The following SNRK variants were observed in gnomAD, a reference collection of about 807,000 sequenced individuals.
SNRK encodes SNF related kinase.
SNRK carries 3 observed loss-of-function variants against 48.2 expected under a neutral mutation model. That is an observed-to-expected ratio of 0.06 (90% confidence interval 0.03 to 0.16). SNRK has a LOEUF of 0.16. SNRK is among the 10% of genes least tolerant of loss of function. SNRK has a pLI of 1.00. For synonymous variants in SNRK, 376 were observed against 366.1 expected (o/e 1.03, Z -0.31); for missense variants, 627 against 976.0 (o/e 0.64, Z 4.76).
At chr3:43,298,955 C>T (rs1211442004) in intron 1 of SNRK, among the ~76,000 whole-genome samples, 1 of 152,094 alleles carries the variant, frequency 6.6e-6, no homozygotes, top group Non-Finnish European at 1.5e-5. Flanking sequence ...GCTTGCCGTC[C>T]TTGGCTGCTA....
intron 3 of SNRK, among the ~76,000 whole-genome samples, chr3:43,312,808 T>C (rs918217970): frequency 7.2e-5 from 11 of 152,182 alleles, no homozygotes; most frequent in African/African-American, 2.2e-4. Context: ...ATAATGAACA[T>C]GTAGAGACTG....
chr3:43,342,480 C>T (rs1278663342), intron 5 of SNRK, among the ~76,000 whole-genome samples: 2 of 152,242 alleles, frequency 1.3e-5, no homozygotes, highest in African/African-American at 4.8e-5. Flanking sequence ...ATGCCTCAGC[C>T]TGCCCTGCCC....
At chr3:43,325,621 A>C (rs749876250) in intron 3 of SNRK, among the ~76,000 whole-genome samples, 9 of 152,196 alleles carry the variant, frequency 5.9e-5, no homozygotes, top group Non-Finnish European at 1.2e-4. Context: ...GACAAATAGA[A>C]TTGGACATTT....
chr3:43,321,890 C>G (rs1386432270), intron 3 of SNRK, among the ~76,000 whole-genome samples: 1 of 152,208 alleles, frequency 6.6e-6, no homozygotes, highest in African/African-American at 2.4e-5. Flanking sequence ...ACTTAATGAG[C>G]AGGTGAATTT....
At chr3:43,342,880 A>G (rs938866152) in intron 5 of SNRK, among the ~76,000 whole-genome samples, 3 of 152,210 alleles carry the variant, frequency 2.0e-5, no homozygotes, top group African/African-American at 7.2e-5. Context: ...ATGCAGAGGG[A>G]GTATGAAAAT....
At chr3:43,329,607 A>G (rs956318602) in intron 3 of SNRK, among the ~76,000 whole-genome samples, 2 of 152,238 alleles carry the variant, frequency 1.3e-5, no homozygotes, top group African/African-American at 4.8e-5. Flanking sequence ...ACTACTTGAC[A>G]TAGAATTGTA....
At chr3:43,346,369 C>G (rs1015455893) in intron 6 of SNRK, among the ~76,000 whole-genome samples, 1 of 152,136 alleles carries the variant, frequency 6.6e-6, no homozygotes, top group Non-Finnish European at 1.5e-5. Flanking sequence ...AACTATATGA[C>G]TATACCCCCC....
chr3:43,300,204 T>C (rs1310278225), intron 2 of SNRK, among the ~76,000 whole-genome samples: 2 of 152,164 alleles, frequency 1.3e-5, no homozygotes, highest in Non-Finnish European at 2.9e-5. Flanking sequence ...ATTATTTCTA[T>C]TTAATCTATA....
At chr3:43,328,305 G>T (rs547159335) in intron 3 of SNRK, among the ~76,000 whole-genome samples, 8 of 144,330 alleles carry the variant, frequency 5.5e-5, no homozygotes, top group Non-Finnish European at 1.1e-4. Flanking sequence ...TGTTAACACG[G>T]TTTTTTTTTT....
chr3:43,343,616 A>G (rs933377980), intron 6 of SNRK, 138 bp downstream of exon 6: 1 of 917,782 alleles, frequency 1.1e-6, no homozygotes, highest in East Asian at 2.7e-5. Context: ...GAGAGGCCAC[A>G]CACGGGCTCT....
chr3:43,312,030 G>A (rs2090982427), intron 3 of SNRK, among the ~76,000 whole-genome samples: 1 of 152,106 alleles, frequency 6.6e-6, no homozygotes, highest in Admixed American at 6.6e-5. Context: ...AAGTTAAAAT[G>A]AGTTAAATTT....
intron 1 of SNRK, among the ~76,000 whole-genome samples, chr3:43,291,531 T>G (rs1260578242): frequency 1.3e-5 from 2 of 152,220 alleles, no homozygotes; most frequent in East Asian, 3.9e-4. Context: ...AGGCCAGTTC[T>G]AAAGTTAGGG....
chr3:43,287,893 A>G (rs996108475), intron 1 of SNRK, among the ~76,000 whole-genome samples: 2 of 152,340 alleles, frequency 1.3e-5, no homozygotes, highest in South Asian at 2.1e-4. Context: ...TAATTCCCTT[A>G]AGGAAATCTG....
chr3:43,291,841 G>A lies in SNRK; in HGVS notation c.-169+5166G>A, dbSNP rs867306328. Among the ~76,000 whole-genome samples, 3 of 152,200 alleles carry A rather than the reference G, an allele frequency of 2.0e-5. No homozygotes were observed. The South Asian group carries it at 6.2e-4, about 31-fold the overall frequency. Reference sequence around the variant, plus strand: ...GGTACTTTGAAATGTGGAATCTTAGGACTGTTATCCTAGCTCCTCCTCTGA... The same window carrying A: ...GGTACTTTGAAATGTGGAATCTTAGAACTGTTATCCTAGCTCCTCCTCTGA... On this transcript the variant is annotated intron_variant, in intron 1 of 6. Transcript: ENST00000296088.
At chr3:43,294,580 T>C (rs2090838236) in intron 1 of SNRK, among the ~76,000 whole-genome samples, 1 of 152,196 alleles carries the variant, frequency 6.6e-6, no homozygotes, top group Non-Finnish European at 1.5e-5. Context: ...TTAGGGATGC[T>C]CAACCTGTAC....
chr3:43,342,834 T>C (rs1252521699), intron 5 of SNRK, among the ~76,000 whole-genome samples: 1 of 152,228 alleles, frequency 6.6e-6, no homozygotes, highest in African/African-American at 2.4e-5. Flanking sequence ...GCTTTCAATT[T>C]CTTTAATAAT....
Position 43,336,748 on chromosome 3 carries a change from T to TTG in SNRK, c.732-3539_732-3538insTG, listed in dbSNP as rs112892745. On this transcript the variant is annotated intron_variant, in intron 4 of 6. Transcript: ENST00000296088. ...ACACAGATACACATTTTTGTTTGTT[T>TTG]GTTTTGGTTTTGGTTTTTTTCGAGA... Among the ~76,000 whole-genome samples, 487 of 151,830 alleles carry TTG rather than the reference T, an allele frequency of 3.2e-3. 3 individuals are homozygous for TTG. Among genetic ancestry groups the TTG allele is most frequent in the African/African-American group, 9.3e-3 (383 of 41,338 alleles).
chr3:43,287,035 G>A (rs1267214332), intron 1 of SNRK, among the ~76,000 whole-genome samples: 2 of 150,026 alleles, frequency 1.3e-5, no homozygotes, highest in Admixed American at 6.6e-5. Flanking sequence ...CCCCGCCCCG[G>A]AGCGGGCCGA....
intron 3 of SNRK, among the ~76,000 whole-genome samples, chr3:43,317,916 A>G (rs1378382258): frequency 1.3e-5 from 2 of 152,232 alleles, no homozygotes; most frequent in African/African-American, 4.8e-5. Context: ...AGGGGATTAG[A>G]TGAATGAATA....
Sources: gnomAD v4.1 joint callset for allele counts (sites outside exome capture counted in the v4.1 genomes callset) on GRCh38, gnomAD v4.1.1 for gene constraint, MANE v1.5 for transcripts, NCBI Gene and HGNC (gene_info 2026-07-23, HGNC 2026-07-21) for gene names.